POU6F2: variants seen among roughly 807,000 people sequenced by gnomAD.
The protein encoded by POU6F2 is POU domain, class 6, transcription factor 2.
Under a neutral mutation model 71.3 loss-of-function variants are expected in POU6F2, and 31 were observed. The observed-to-expected ratio is 0.43, with a 90% confidence interval of 0.33 to 0.59. The LOEUF (loss-of-function observed/expected upper bound fraction) is 0.59, where lower values mean the gene tolerates loss of function less well. POU6F2 is among the 20% of genes least tolerant of loss of function. POU6F2 has a pLI of 0.04. For synonymous variants in POU6F2, 347 were observed against 355.7 expected, an observed-to-expected ratio of 0.98 and a Z score of 0.27; for missense variants, 783 against 856.8, an observed-to-expected ratio of 0.91 and a Z score of 1.07.
intron 1 of POU6F2, among the ~76,000 whole-genome samples, chr7:39,023,813 G>C (rs542272662): frequency 6.6e-6 from 1 of 152,112 alleles, no homozygotes; most frequent in African/African-American, 2.4e-5. Flanking sequence ...TGAGAAGTAG[G>C]CATTCTCTGC....
intron 2 of POU6F2, among the ~76,000 whole-genome samples, chr7:39,098,465 G>GA (rs1362106500): frequency 2.0e-5 from 3 of 148,348 alleles, no homozygotes; most frequent in Non-Finnish European, 3.0e-5. Flanking sequence ...ATTTGCAAGA[G>GA]AGGGGGGGTC....
chr7:39,388,361 G>C (rs186152662), intron 5 of POU6F2, among the ~76,000 whole-genome samples: 210 of 152,208 alleles, frequency 1.4e-3, no homozygotes, highest in Non-Finnish European at 1.9e-3. Context: ...TGTTGTCCAG[G>C]CTGGAGTGCA....
intron 5 of POU6F2, among the ~76,000 whole-genome samples, chr7:39,387,963 T>A (rs556278211): frequency 1.3e-5 from 2 of 152,356 alleles, no homozygotes; most frequent in East Asian, 3.9e-4. Context: ...CAAGGCCACT[T>A]CATATCCTTT....
chr7:39,294,644 T>C (rs1784816430), intron 4 of POU6F2, among the ~76,000 whole-genome samples: 1 of 152,026 alleles, frequency 6.6e-6, no homozygotes, highest in Admixed American at 6.5e-5. Flanking sequence ...TGCTGTACCA[T>C]TGAAGTCCAC....
chr7:39,062,619 T>G (rs1790680364), intron 1 of POU6F2, among the ~76,000 whole-genome samples: 1 of 148,538 alleles, frequency 6.7e-6, no homozygotes, highest in Non-Finnish European at 1.5e-5. Flanking sequence ...CATCAGAGCG[T>G]CAGGAAGAGG....
intron 2 of POU6F2, among the ~76,000 whole-genome samples, chr7:39,088,863 A>T (rs1168775569): frequency 1.3e-5 from 2 of 152,226 alleles, no homozygotes; most frequent in Admixed American, 1.3e-4. Flanking sequence ...TTTCCCTCAC[A>T]GTATGGTACC....
At chr7:39,090,636 T>A (rs1791344690) in intron 2 of POU6F2, among the ~76,000 whole-genome samples, 1 of 152,148 alleles carries the variant, frequency 6.6e-6, no homozygotes, top group Admixed American at 6.6e-5. Flanking sequence ...AGCTTGGAGG[T>A]GATGAGGTAA....
At chr7:39,198,805 A>C (rs565573676) in intron 2 of POU6F2, among the ~76,000 whole-genome samples, 1 of 152,334 alleles carries the variant, frequency 6.6e-6, no homozygotes, top group East Asian at 1.9e-4. Flanking sequence ...AGATTTTTAT[A>C]GACACCTCCA....
intron 4 of POU6F2, among the ~76,000 whole-genome samples, chr7:39,303,305 G>C (rs963803130): frequency 6.6e-6 from 1 of 151,986 alleles, no homozygotes; most frequent in African/African-American, 2.4e-5. Context: ...CCTCCGCCGC[G>C]CCTGGCTAAT....
chr7:39,207,054 A>G (rs1005741759), intron 3 of POU6F2, among the ~76,000 whole-genome samples: 1 of 152,208 alleles, frequency 6.6e-6, no homozygotes, highest in Non-Finnish European at 1.5e-5. Context: ...TTCTTTCTGG[A>G]ACAACAGAGA....
intron 4 of POU6F2, among the ~76,000 whole-genome samples, chr7:39,311,076 C>T (rs767547639): frequency 1.1e-4 from 16 of 152,026 alleles, no homozygotes; most frequent in Non-Finnish European, 1.9e-4. Context: ...GCAATATTTC[C>T]GGAGAGCAGG....
At chr7:39,397,044 G>A (rs961894921) in intron 5 of POU6F2, among the ~76,000 whole-genome samples, 1 of 151,650 alleles carries the variant, frequency 6.6e-6, no homozygotes, top group African/African-American at 2.4e-5. Context: ...GCAATTTCTT[G>A]GTCCAAAATG....
intron 5 of POU6F2, among the ~76,000 whole-genome samples, chr7:39,368,646 C>T (rs961102627): frequency 5.3e-5 from 8 of 152,164 alleles, no homozygotes; most frequent in African/African-American, 1.9e-4. Context: ...AAATTCAATG[C>T]CTGACTTCAA....
intron 1 of POU6F2, among the ~76,000 whole-genome samples, chr7:39,029,499 G>T (rs188045791): frequency 8.6e-5 from 13 of 151,596 alleles, no homozygotes; most frequent in African/African-American, 3.2e-4. Context: ...TGGGAGGGGG[G>T]GGTGGATGAT....
chr7:39,078,285 T>C (rs1410777558), intron 1 of POU6F2, among the ~76,000 whole-genome samples: 1 of 152,224 alleles, frequency 6.6e-6, no homozygotes, highest in Non-Finnish European at 1.5e-5. Flanking sequence ...TTAAGGTAGA[T>C]ATGGCAAAGT....
chr7:39,413,308 A>G (rs1354649140), intron 6 of POU6F2, among the ~76,000 whole-genome samples: 1 of 152,198 alleles, frequency 6.6e-6, no homozygotes, highest in East Asian at 1.9e-4. Context: ...CACGTTCTGC[A>G]TTTTTACTCC....
intron 1 of POU6F2, among the ~76,000 whole-genome samples, chr7:39,061,588 A>T (rs890449575): frequency 1.3e-5 from 2 of 152,208 alleles, no homozygotes; most frequent in African/African-American, 4.8e-5. Flanking sequence ...AAGTGTTGAC[A>T]TATTTTATTA....
chr7:39,327,892 G>A (rs1202709883), intron 4 of POU6F2, among the ~76,000 whole-genome samples: 2 of 151,440 alleles, frequency 1.3e-5, no homozygotes, highest in Non-Finnish European at 2.9e-5. Context: ...GGTCAAATGA[G>A]TTTGGTCAGT....
intron 1 of POU6F2, among the ~76,000 whole-genome samples, chr7:39,024,066 A>T (rs942174474): frequency 2.0e-5 from 3 of 152,072 alleles, no homozygotes; most frequent in African/African-American, 7.2e-5. Context: ...CTTGATGGGG[A>T]TGGCATTGAA....
Sources: gnomAD v4.1 joint callset for allele counts (sites outside exome capture counted in the v4.1 genomes callset) on GRCh38, gnomAD v4.1.1 for gene constraint, MANE v1.5 for transcripts, NCBI Gene and HGNC (gene_info 2026-07-23, HGNC 2026-07-21) for gene names.